The following USH2A variants were observed in gnomAD, a reference collection of about 807,000 sequenced individuals.
The protein encoded by USH2A is usherin.
USH2A carries 443 observed loss-of-function variants against 538.9 expected under a neutral mutation model. That is an observed-to-expected ratio of 0.82 (90% CI 0.76 to 0.89). The LOEUF (loss-of-function observed/expected upper bound fraction) is 0.89. Among genes scored for constraint, USH2A ranks in the 40% least tolerant of loss-of-function variants. USH2A has a pLI of 0.00. For missense variants in USH2A, 6,633 were observed against 6,324.8 expected, an observed-to-expected ratio of 1.05 and a Z score of -1.65; for synonymous variants, 2,413 against 2,273.5, an observed-to-expected ratio of 1.06 and a Z score of -1.75.
chr1:216,339,502 G>T (rs921434313), intron 4 of USH2A, among the ~76,000 whole-genome samples: 12 of 151,620 alleles, frequency 7.9e-5, no homozygotes, highest in African/African-American at 2.9e-4. Context: ...GGTTGTTGAT[G>T]AATTTTTTTG....
chr1:216,228,362 G>A (rs1003528626), intron 14 of USH2A, among the ~76,000 whole-genome samples: 1 of 152,048 alleles, frequency 6.6e-6, no homozygotes, highest in African/African-American at 2.4e-5. Flanking sequence ...GGAAAACCTG[G>A]AACTGGAAAG....
chr1:215,993,248 A>G lies in USH2A; in HGVS notation c.6658-81T>C. On this transcript the variant is annotated intron_variant, in intron 34 of 71. Coordinates refer to ENST00000307340, the MANE Select transcript of USH2A (RefSeq NM_206933.4). ...ACATTGAGGAAAGAGAATTCATAAT[A>G]AGAGTTTCAGATTTTGTTATATAGT... 3.7e-6 allele frequency: 6 copies of G among 1,607,696 alleles called. No individual in the cohort carries two copies. In the East Asian group the frequency reaches 8.9e-5, roughly 24 times the overall value.
intron 58 of USH2A, 63 bp from the exon 59 acceptor site, chr1:215,743,398 G>GTATA (rs1219477860): frequency 9.3e-6 from 4 of 429,094 alleles, no homozygotes; most frequent in Non-Finnish European, 1.1e-5. Flanking sequence ...GTGTGTGTGT[G>GTATA]TGTGTGTGTG....
intron 32 of USH2A, among the ~76,000 whole-genome samples, chr1:216,034,053 A>G (rs1669188785): frequency 6.6e-6 from 1 of 152,214 alleles, no homozygotes; most frequent in Non-Finnish European, 1.5e-5. Flanking sequence ...GGAGTGCCCA[A>G]TATGCAGTGA....
rs144385224 is a variant in USH2A at position 215,892,969 on chromosome 1, G to C, written c.7595-3915C>G. On this transcript the variant is annotated intron_variant, in intron 40 of 71. Coordinates refer to ENST00000307340, the MANE Select transcript of USH2A (RefSeq NM_206933.4). Reference sequence around the variant, plus strand: ...TAGAAAGAATGTTTCAACCTCTAGAGCTGGGGCATATTGTGGGGTGAATCG... The same window carrying C: ...TAGAAAGAATGTTTCAACCTCTAGACCTGGGGCATATTGTGGGGTGAATCG... Among the ~76,000 whole-genome samples, 33 of 152,240 alleles carry C rather than the reference G, an allele frequency of 2.2e-4. No homozygotes were observed. In the East Asian group the frequency reaches 6.2e-3, roughly 29 times the overall value.
chr1:216,043,525 T>C (rs542751078), intron 32 of USH2A, among the ~76,000 whole-genome samples: 1 of 152,262 alleles, frequency 6.6e-6, no homozygotes, highest in South Asian at 2.1e-4. Context: ...ACCATGGATG[T>C]AGGCACTTTA....
At chr1:215,777,613 A>G (rs1206067910) in intron 55 of USH2A, among the ~76,000 whole-genome samples, 1 of 152,190 alleles carries the variant, frequency 6.6e-6, no homozygotes, top group Non-Finnish European at 1.5e-5. Flanking sequence ...TCCTGTATAG[A>G]GCTCTGTTTT....
At chr1:216,152,088 A>C (rs962406031) in intron 21 of USH2A, among the ~76,000 whole-genome samples, 1 of 151,888 alleles carries the variant, frequency 6.6e-6, no homozygotes, top group Non-Finnish European at 1.5e-5. Flanking sequence ...CCCTAATCGC[A>C]CTTGAAGCAG....
chr1:215,667,964 G>A (rs1657686347), intron 64 of USH2A, among the ~76,000 whole-genome samples: 1 of 152,184 alleles, frequency 6.6e-6, no homozygotes, highest in Non-Finnish European at 1.5e-5. Context: ...ATACTTGCAA[G>A]GCACACCATG....
intron 61 of USH2A, among the ~76,000 whole-genome samples, chr1:215,711,285 T>G (rs1571976948): frequency 6.6e-6 from 1 of 152,210 alleles, no homozygotes; most frequent in Non-Finnish European, 1.5e-5. Context: ...TTTCATTTCC[T>G]GTGTTGCGAC....
chr1:215,623,240 A>ATT lies in USH2A; in HGVS notation c.*2539_*2540dup, dbSNP rs1655865379. On this transcript the variant is annotated 3_prime_UTR_variant, in exon 72 of 72. Transcript: ENST00000307340. ...GTAAGCTGAGAATGTGGCATGTACA[A>ATT]TTGGTAAAATGTGAGTCAGGAGATT... The ATT allele has an allele frequency of 6.6e-6, 1 of 152,126 alleles. No individual in the cohort carries two copies. The highest frequency in any genetic ancestry group is 2.4e-5 in the African/African-American group (1 of 41,434). 9.4% of individuals were successfully genotyped at this position (152,126 alleles called of 1,614,324 possible).
At chr1:216,381,192 G>A (rs1257798056) in intron 3 of USH2A, among the ~76,000 whole-genome samples, 3 of 152,066 alleles carry the variant, frequency 2.0e-5, no homozygotes, top group Non-Finnish European at 4.4e-5. Flanking sequence ...AGAGGGAAAA[G>A]TGTACAAGCT....
rs757562399 is a variant in USH2A at position 216,324,337 on chromosome 1, T to C, written c.1159A>G (p.Ile387Val). Residue 387 changes from isoleucine (I) to valine (V), a missense_variant, in exon 7 of 72, where the codon ATT becomes GTT. Ile to Val is a conservative substitution (Grantham distance 29). Coordinates refer to ENST00000307340, the MANE Select transcript of USH2A (RefSeq NM_206933.4). ...GTTGGTTGTGGACTAAAGAACTGAA[T>C]GATAATATAAAACACCTGAAAATGG... ...NGQYQVFYII[I>V]QFFSPQPTEI... 3.1e-6 allele frequency: 5 copies of C among 1,611,530 alleles called. No homozygotes were observed. Among genetic ancestry groups the C allele is most frequent in the East Asian group, 2.2e-5 (1 of 44,602 alleles).
chr1:216,395,246 T>C (rs967935723), intron 3 of USH2A, among the ~76,000 whole-genome samples: 1 of 152,268 alleles, frequency 6.6e-6, no homozygotes, highest in Non-Finnish European at 1.5e-5. Context: ...ATCAACCGAA[T>C]GTTAATTTCT....
At chr1:216,225,381 C>A (rs1056490965) in intron 14 of USH2A, among the ~76,000 whole-genome samples, 1 of 152,192 alleles carries the variant, frequency 6.6e-6, no homozygotes, top group African/African-American at 2.4e-5. Context: ...CCCTTCTGTG[C>A]TACAGGATTT....
chr1:216,375,830 AC>A (rs1237660588), intron 3 of USH2A, among the ~76,000 whole-genome samples: 2 of 152,104 alleles, frequency 1.3e-5, no homozygotes, highest in African/African-American at 4.8e-5. Context: ...TCACTTGAAC[AC>A]TGAGAGGCCA....
intron 8 of USH2A, 146 bp from the exon 9 acceptor site, chr1:216,322,122 G>T (rs2037626208): frequency 2.5e-6 from 2 of 797,628 alleles, no homozygotes; most frequent in East Asian, 5.3e-5. Flanking sequence ...CTCCTTAATC[G>T]TGTGGATATC....
chr1:215,809,499 AT>A (rs894517283), intron 49 of USH2A, among the ~76,000 whole-genome samples: 23 of 151,044 alleles, frequency 1.5e-4, no homozygotes, highest in Non-Finnish European at 2.4e-4. Context: ...AAATAAAACT[AT>A]TTTTTTTTCC....
intron 3 of USH2A, among the ~76,000 whole-genome samples, chr1:216,396,793 G>A (rs1407116028): frequency 1.3e-5 from 2 of 152,092 alleles, no homozygotes; most frequent in African/African-American, 2.4e-5. Flanking sequence ...ATATCCACAA[G>A]CAGCTTTTCA....
Sources: allele counts gnomAD v4.1 joint callset (sites outside exome capture counted in the v4.1 genomes callset), GRCh38; gene constraint gnomAD v4.1.1; transcripts MANE v1.5; gene names NCBI Gene and HGNC (gene_info 2026-07-23, HGNC 2026-07-21).